TAF5L: variants seen among roughly 807,000 people sequenced by gnomAD.
The protein encoded by TAF5L is TATA-box binding protein associated factor 5 like.
TAF5L carries 7 observed loss-of-function variants against 51.3 expected under a neutral mutation model. The ratio of observed to expected loss-of-function variants is 0.14; its 90% CI spans 0.08 to 0.26. TAF5L has a LOEUF of 0.26. Among genes scored for constraint, TAF5L ranks in the 10% least tolerant of loss-of-function variants. The pLI is 1.00. For missense variants in TAF5L, 575 were observed against 758.9 expected, an observed-to-expected ratio of 0.76 and a Z score of 2.85; for synonymous variants, 291 against 308.1, an observed-to-expected ratio of 0.94 and a Z score of 0.58.
chr1:229,604,173 A>AG (rs10651663), intron 3 of TAF5L, among the ~76,000 whole-genome samples: 1 of 144,936 alleles, frequency 6.9e-6, no homozygotes, highest in Admixed American at 6.8e-5. Context: ...TTCTGGTAGC[A>AG]TTTTTTTTTT....
intron 2 of TAF5L, among the ~76,000 whole-genome samples, chr1:229,612,792 T>C (rs1210788307): frequency 6.6e-6 from 1 of 152,084 alleles, no homozygotes; most frequent in Non-Finnish European, 1.5e-5. Context: ...GGATGGAGGA[T>C]GAAACCATTA....
At chr1:229,600,436 C>T in intron 4 of TAF5L, 1 of 985,324 alleles carries the variant, frequency 1.0e-6, no homozygotes, top group Non-Finnish European at 1.2e-6. Flanking sequence ...ACGTCTTTTG[C>T]TTTCTTCTTG....
At position 229,606,687 on chromosome 1, in the gene TAF5L, T is replaced by C. The variant is rs961947772; in HGVS notation, c.247+3419A>G. ...AAATGCTCATTTCACTTTAAAGAAT[T>C]AACACTGGGTGTGTGCCTCTTAGGA... On this transcript the variant is annotated intron_variant, in intron 3 of 4. Transcript: ENST00000258281. 4.3e-5 allele frequency: 42 copies of C among 985,294 alleles called. 1 individual carries two copies. In the Admixed American group the frequency reaches 1.8e-3, roughly 43 times the overall value. 61.0% of individuals were successfully genotyped at this position (985,294 alleles called of 1,614,324 possible). A position where few individuals can be genotyped will look rare whatever the true frequency, so the allele number is the denominator to read the frequency against.
intron 4 of TAF5L, among the ~76,000 whole-genome samples, chr1:229,597,865 C>G (rs991243648): frequency 2.6e-5 from 4 of 152,132 alleles, no homozygotes; most frequent in African/African-American, 9.7e-5. Context: ...TCCCTAAAAC[C>G]TCAGATTTGT....
At chr1:229,598,855 C>T (rs763499890) in intron 4 of TAF5L, among the ~76,000 whole-genome samples, 10 of 151,976 alleles carry the variant, frequency 6.6e-5, no homozygotes, top group African/African-American at 1.2e-4. Flanking sequence ...TCTGCCACCA[C>T]GCCCAGCTAA....
At chr1:229,609,342 T>TTAAAATAAGATATAAG (rs1664709580) in intron 3 of TAF5L, among the ~76,000 whole-genome samples, 3 of 152,228 alleles carry the variant, frequency 2.0e-5, no homozygotes, top group Admixed American at 2.0e-4. Flanking sequence ...AGCATAGGTG[T>TTAAAATAAGATATAAG]ATAATAAAAT....
At chr1:229,613,329 CAAAAAAAAAAAAAA>C (rs567436350) in intron 2 of TAF5L, among the ~76,000 whole-genome samples, 2 of 84,596 alleles carry the variant, frequency 2.4e-5, no homozygotes, top group Non-Finnish European at 4.8e-5. Context: ...GACTCTGTCT[CAAAAAAAAAAAAAA>C]AAAAAGAAGA....
At chr1:229,611,775 C>G (rs1664801090) in intron 2 of TAF5L, among the ~76,000 whole-genome samples, 1 of 152,212 alleles carries the variant, frequency 6.6e-6, no homozygotes, top group Non-Finnish European at 1.5e-5. Flanking sequence ...TGCCACCAGA[C>G]TGAGTTTTCT....
chr1:229,621,731 TCTAA>T (rs1444266697), intron 1 of TAF5L, among the ~76,000 whole-genome samples: 1 of 152,184 alleles, frequency 6.6e-6, no homozygotes, highest in Admixed American at 6.5e-5. Flanking sequence ...AAATCAAATG[TCTAA>T]CTATAATCTC....
chr1:229,617,587 A>G (rs954704922), intron 1 of TAF5L, among the ~76,000 whole-genome samples: 16 of 152,192 alleles, frequency 1.1e-4, no homozygotes, highest in African/African-American at 3.9e-4. Flanking sequence ...ATCACCTCTG[A>G]CAGGAAAAAA....
intron 4 of TAF5L, among the ~76,000 whole-genome samples, chr1:229,597,742 T>C (rs150283494): frequency 1.8e-4 from 28 of 152,354 alleles, no homozygotes; most frequent in Non-Finnish European, 2.2e-4. Flanking sequence ...TTATATACAT[T>C]ATGAAACACA....
At chr1:229,623,519 C>T (rs999418040) in intron 1 of TAF5L, among the ~76,000 whole-genome samples, 2 of 152,214 alleles carry the variant, frequency 1.3e-5, no homozygotes, top group Non-Finnish European at 1.5e-5. Context: ...TAAATCCCAC[C>T]CGCACTTCGC....
intron 2 of TAF5L, 50 bp downstream of exon 2, chr1:229,614,291 T>C (rs1206281615): frequency 6.2e-7 from 1 of 1,614,206 alleles, no homozygotes; most frequent in Non-Finnish European, 8.5e-7. Flanking sequence ...GATATTGACG[T>C]GAGTTCTCCT....
chr1:229,604,104 G>GT (rs1664492386), intron 3 of TAF5L, among the ~76,000 whole-genome samples: 1 of 151,488 alleles, frequency 6.6e-6, no homozygotes, highest in African/African-American at 2.4e-5. Context: ...TAGATCTAGT[G>GT]TAATGTTTGT....
At chr1:229,600,199 C>T in intron 4 of TAF5L, 1 of 985,358 alleles carries the variant, frequency 1.0e-6, no homozygotes, top group Non-Finnish European at 1.2e-6. Flanking sequence ...TCCCCAAATG[C>T]TTGTTGTCAG....
Position 229,602,501 on chromosome 1 carries a change from A to G in TAF5L, c.666T>C (p.Gly222=). The G allele has an allele frequency of 6.2e-7, 1 of 1,614,048 alleles. No individual in the cohort carries two copies. The highest frequency in any genetic ancestry group is 8.5e-7 in the Non-Finnish European group (1 of 1,179,978). ...GGCTGGGCATGTCGGGGGGCTCCAAACCGTTGTTCTCACTGCGGGAGGAGC... is the reference window on the plus strand; with the variant it reads ...GGCTGGGCATGTCGGGGGGCTCCAAGCCGTTGTTCTCACTGCGGGAGGAGC... Residue 222 remains glycine, a synonymous_variant, in exon 4 of 5, where the codon GGT becomes GGC. Transcript: ENST00000258281. The surrounding 1 kb of genome is among the most constrained non-coding windows in gnomAD (Gnocchi z 4.6).
chr1:229,595,137 A>C, intron 4 of TAF5L, 43 bp from the exon 5 acceptor site: 2 of 1,529,348 alleles, frequency 1.3e-6, no homozygotes, highest in Non-Finnish European at 1.8e-6. Context: ...CACACACAAA[A>C]AATGTTCAGT....
chr1:229,613,329 CAAAAAAAAAAA>C (rs567436350), intron 2 of TAF5L, among the ~76,000 whole-genome samples: 2 of 84,596 alleles, frequency 2.4e-5, no homozygotes, highest in Non-Finnish European at 4.8e-5. Context: ...GACTCTGTCT[CAAAAAAAAAAA>C]AAAAAAAAGA....
exon 5 of TAF5L, chr1:229,593,300 C>G (rs1663986953): frequency 6.6e-6 from 1 of 152,148 alleles, no homozygotes; most frequent in Admixed American, 6.5e-5. Flanking sequence ...TATTGCAGTG[C>G]AGGACGTGGG....
Sources: allele counts gnomAD v4.1 joint callset (sites outside exome capture counted in the v4.1 genomes callset), GRCh38; gene constraint gnomAD v4.1.1; non-coding constraint Gnocchi (gnomAD v3.1); transcripts MANE v1.5; gene names NCBI Gene and HGNC (gene_info 2026-07-23, HGNC 2026-07-21).